The following UBN2 variants were observed in gnomAD, a reference collection of about 807,000 sequenced individuals.
UBN2 encodes the protein ubinuclein-2.
UBN2 carries 35 observed loss-of-function variants against 120.2 expected under a neutral mutation model. The observed-to-expected ratio is 0.29, with a 90% CI of 0.22 to 0.39. The LOEUF (loss-of-function observed/expected upper bound fraction) is 0.39. Among genes scored for constraint, UBN2 ranks in the 10% least tolerant of loss-of-function variants. The pLI is 1.00. For missense variants in UBN2, 1,693 were observed against 1,663.2 expected, an observed-to-expected ratio of 1.02 and a Z score of -0.31; for synonymous variants, 661 against 648.7, an observed-to-expected ratio of 1.02 and a Z score of -0.29.
intron 5 of UBN2, 133 bp from the exon 6 acceptor site, chr7:139,261,119 A>T: frequency 9.5e-7 from 1 of 1,057,760 alleles, no homozygotes; most frequent in Non-Finnish European, 1.3e-6. Context: ...GTAATAGTAT[A>T]AGTTAATAAG....
At chr7:139,289,856 C>G (rs1278734540) in intron 15 of UBN2, among the ~76,000 whole-genome samples, 1 of 152,044 alleles carries the variant, frequency 6.6e-6, no homozygotes, top group Non-Finnish European at 1.5e-5. Context: ...CATCCCAAGA[C>G]TGCAGTAGAA....
intron 16 of UBN2, 109 bp downstream of exon 16, chr7:139,293,572 GTT>G (rs201538099): frequency 2.3e-3 from 1,551 of 687,384 alleles, no homozygotes; most frequent in East Asian, 3.5e-3. Flanking sequence ...GAAGATTATA[GTT>G]TTTTTTTTTT....
downstream of UBN2, among the ~76,000 whole-genome samples, chr7:139,308,955 A>G (rs1049218687): frequency 6.6e-6 from 1 of 152,204 alleles, no homozygotes; most frequent in Middle Eastern, 3.2e-3. Context: ...CTGTAATCCC[A>G]GCTACTCGGG....
chr7:139,265,305 C>T (rs555953297), intron 6 of UBN2, among the ~76,000 whole-genome samples: 4 of 151,972 alleles, frequency 2.6e-5, no homozygotes, highest in Non-Finnish European at 4.4e-5. Flanking sequence ...GATGAAATCC[C>T]GTCTCTACTG....
chr7:139,246,591 G>A (rs1014477562), intron 2 of UBN2, among the ~76,000 whole-genome samples: 26 of 152,148 alleles, frequency 1.7e-4, no homozygotes, highest in Non-Finnish European at 2.5e-4. Flanking sequence ...TAATTCATCC[G>A]TTTTAAGCGT....
At chr7:139,289,376 T>C (rs1287600961) in intron 15 of UBN2, among the ~76,000 whole-genome samples, 1 of 151,784 alleles carries the variant, frequency 6.6e-6, no homozygotes, top group Non-Finnish European at 1.5e-5. Context: ...ACTTGAGTTA[T>C]TTAATTTTGG....
chr7:139,260,548 A>T (rs1013612613), intron 5 of UBN2, among the ~76,000 whole-genome samples: 2 of 152,210 alleles, frequency 1.3e-5, no homozygotes, highest in Non-Finnish European at 2.9e-5. Context: ...GAGCTAAGGG[A>T]AAGACGCTTG....
chr7:139,261,318 A>G lies in UBN2; in HGVS notation c.972A>G (p.Leu324=), dbSNP rs565295927. The change falls in exon 6 of 18, where the codon CTA becomes CTG. Residue 324 remains leucine, a synonymous_variant. Coordinates refer to ENST00000473989, the MANE Select transcript of UBN2 (RefSeq NM_173569.4). ...KKKRYKDSLS[L]AAMIRKFQKE... is the part of the protein sequence containing the mutation. Reference sequence around the variant, plus strand: ...AACGTTATAAAGATTCTCTTTCTCTAGCTGCCATGATTAGAAAATTCCAGA... The same window carrying G: ...AACGTTATAAAGATTCTCTTTCTCTGGCTGCCATGATTAGAAAATTCCAGA... 5.9e-5 allele frequency: 95 copies of G among 1,614,074 alleles called. No homozygotes were observed. In the East Asian group the frequency reaches 1.3e-3, roughly 23 times the overall value.
In UBN2 at chr7:139,257,604, G is replaced by C. The variant is rs1796799714; in HGVS notation, c.664-884G>C. On this transcript the variant is annotated intron_variant, in intron 3 of 17. Transcript: ENST00000473989. ...TTTTTGTGTGTGTATTTTTAGTAGA[G>C]ATGGGGTTTCACTATGTTGGCCAGG... is the stretch of plus-strand genomic sequence containing the variant. Among the ~76,000 whole-genome samples, 3 of 152,108 alleles carry C rather than the reference G, an allele frequency of 2.0e-5. No homozygotes were observed. The South Asian group carries it at 6.2e-4, about 32-fold the overall frequency.
In UBN2 at chr7:139,231,733, C is replaced by G; in HGVS notation, c.249C>G (p.Pro83=). The G allele has an allele frequency of 1.7e-6, 2 of 1,198,386 alleles. No individual in the cohort carries two copies. Among genetic ancestry groups the G allele is most frequent in the Non-Finnish European group, 2.1e-6 (2 of 971,034 alleles). The allele number at this position is 1,198,386 out of a possible 1,614,324, so 74.2% of individuals were successfully genotyped here. A position where few individuals can be genotyped will look rare whatever the true frequency, so the allele number is the denominator to read the frequency against. The change falls in exon 1 of 18, where the codon CCC becomes CCG. Residue 83 remains proline, a synonymous_variant. Coordinates refer to ENST00000473989, the MANE Select transcript of UBN2 (RefSeq NM_173569.4). The part of the protein sequence containing the change: ...PQREVSRAEP[P]MSLQREPPRP... Reference sequence around the variant, plus strand: ...GCGAGGTCAGCCGCGCCGAGCCGCCCATGTCGCTGCAGCGGGAGCCCCCGC... The same window carrying G: ...GCGAGGTCAGCCGCGCCGAGCCGCCGATGTCGCTGCAGCGGGAGCCCCCGC...
the UBN2 span, among the ~76,000 whole-genome samples, chr7:139,318,250 G>A: frequency 6.6e-6 from 1 of 152,190 alleles, no homozygotes; most frequent in Admixed American, 6.5e-5. Flanking sequence ...CATATAGTCA[G>A]GGGCATGGGC....
At chr7:139,329,468 G>A in the UBN2 span, among the ~76,000 whole-genome samples, 5 of 152,096 alleles carry the variant, frequency 3.3e-5, no homozygotes, top group African/African-American at 1.2e-4. Context: ...CCAGCCACTG[G>A]TGTTTTTGAA....
At chr7:139,322,953 G>A in the UBN2 span, among the ~76,000 whole-genome samples, 6 of 152,140 alleles carry the variant, frequency 3.9e-5, no homozygotes, top group African/African-American at 1.2e-4. Context: ...GCTGACGAGT[G>A]GCAGTGACGA....
At chr7:139,264,638 C>T (rs1797038487) in intron 6 of UBN2, among the ~76,000 whole-genome samples, 1 of 152,104 alleles carries the variant, frequency 6.6e-6, no homozygotes, top group Non-Finnish European at 1.5e-5. Flanking sequence ...GTGGTACAAT[C>T]TCAGCTCACT....
At chr7:139,321,335 G>A in the UBN2 span, among the ~76,000 whole-genome samples, 1 of 152,222 alleles carries the variant, frequency 6.6e-6, no homozygotes, top group African/African-American at 2.4e-5. Flanking sequence ...GGGGGTGGGT[G>A]CCCCATCTTC....
intron 2 of UBN2, among the ~76,000 whole-genome samples, chr7:139,244,971 T>C (rs1452995661): frequency 6.6e-6 from 1 of 152,038 alleles, no homozygotes; most frequent in Non-Finnish European, 1.5e-5. Flanking sequence ...AAGGTCTTCA[T>C]CACCCAGACT....
intron 1 of UBN2, among the ~76,000 whole-genome samples, chr7:139,232,917 G>C (rs934239393): frequency 6.6e-6 from 1 of 152,158 alleles, no homozygotes; most frequent in African/African-American, 2.4e-5. Context: ...TCAGAAGTAA[G>C]TTAGAAAAGG....
At chr7:139,247,686 T>C (rs901545170) in intron 2 of UBN2, among the ~76,000 whole-genome samples, 1 of 152,234 alleles carries the variant, frequency 6.6e-6, no homozygotes, top group African/African-American at 2.4e-5. Flanking sequence ...ATATATATTT[T>C]ATGCCCCAGT....
the UBN2 span, among the ~76,000 whole-genome samples, chr7:139,327,111 G>A: frequency 2.6e-5 from 4 of 152,262 alleles, no homozygotes; most frequent in South Asian, 2.1e-4. Context: ...TCAGCTCACC[G>A]CAACCTCCGC....
Sources: gnomAD v4.1 joint callset for allele counts (sites outside exome capture counted in the v4.1 genomes callset) on GRCh38, gnomAD v4.1.1 for gene constraint, MANE v1.5 for transcripts, NCBI Gene and HGNC (gene_info 2026-07-23, HGNC 2026-07-21) for gene names.